Variants in VRK3 observed in about 807,000 individuals in gnomAD.
VRK3 encodes serine/threonine-protein kinase VRK3.
VRK3 carries 50 observed loss-of-function variants against 60.4 expected under a neutral mutation model. The observed-to-expected ratio is 0.83, with a 90% CI of 0.66 to 1.05. The LOEUF (loss-of-function observed/expected upper bound fraction) is 1.05, where lower values mean the gene tolerates loss of function less well. VRK3 is among the 50% of genes least tolerant of loss of function. The pLI, the probability that VRK3 is intolerant of heterozygous loss-of-function variation, is 0.00. For missense variants in VRK3, 549 were observed against 585.3 expected, an observed-to-expected ratio of 0.94 and a Z score of 0.64; for synonymous variants, 246 against 227.8, an observed-to-expected ratio of 1.08 and a Z score of -0.72.
At chr19:49,986,695 G>A (rs2076522389) in intron 12 of VRK3, 1 of 152,206 alleles carries the variant, frequency 6.6e-6, no homozygotes, top group Non-Finnish European at 1.5e-5. Context: ...GCACACTAAG[G>A]ACAGGGAAAC....
chr19:50,019,981 C>T (rs1219659062), intron 2 of VRK3, among the ~76,000 whole-genome samples: 2 of 151,810 alleles, frequency 1.3e-5, no homozygotes. Context: ...TAGGTTCAAG[C>T]GATTTTCCTG....
chr19:49,996,348 C>T (rs1027033755), intron 7 of VRK3, among the ~76,000 whole-genome samples: 7 of 152,148 alleles, frequency 4.6e-5, no homozygotes, highest in Non-Finnish European at 7.4e-5. Flanking sequence ...TGAGCCACCG[C>T]GCCCGACTGC....
chr19:50,004,099 G>A (rs1568799925), intron 5 of VRK3, among the ~76,000 whole-genome samples: 1 of 152,188 alleles, frequency 6.6e-6, no homozygotes, highest in Non-Finnish European at 1.5e-5. Context: ...GCTGGGCACT[G>A]GGGTTTGCTA....
intron 12 of VRK3, chr19:49,981,779 C>T (rs2076426624): frequency 1.2e-5 from 13 of 1,041,914 alleles, no homozygotes; most frequent in Non-Finnish European, 1.5e-5. Flanking sequence ...CCACCCGTCC[C>T]AAGCACACAC....
chr19:49,989,362 A>G (rs1343911889), intron 11 of VRK3, among the ~76,000 whole-genome samples: 1 of 152,132 alleles, frequency 6.6e-6, no homozygotes, highest in Non-Finnish European at 1.5e-5. Context: ...GATGACTCCT[A>G]GGCAACTCCC....
Position 49,997,668 on chromosome 19 carries a change from GCTC to G in VRK3, c.613-101_613-99del, listed in dbSNP as rs2076729353. On this transcript the variant is annotated intron_variant, in intron 6 of 14. Coordinates refer to ENST00000316763, the MANE Select transcript of VRK3 (RefSeq NM_016440.4). ...AATTTGTTACTCCCTCAATGACCAG[GCTC>G]CTCATCAAGTCCCCACATCGGAGCC... 2.9e-6 allele frequency: 4 copies of G among 1,366,870 alleles called. No individual in the cohort carries two copies. In the East Asian group the frequency reaches 7.4e-5, roughly 25 times the overall value. 84.7% of individuals were successfully genotyped at this position (1,366,870 alleles called of 1,614,324 possible). A position where few individuals can be genotyped will look rare whatever the true frequency, so the allele number is the denominator to read the frequency against.
intron 6 of VRK3, chr19:50,000,554 T>TCA (rs2076786518): frequency 1.8e-6 from 1 of 567,994 alleles, no homozygotes; most frequent in Admixed American, 3.1e-5. Context: ...CTTGCCCAGG[T>TCA]CACACAGCAG....
At chr19:50,016,706 C>G (rs2077084506) in intron 2 of VRK3, among the ~76,000 whole-genome samples, 1 of 152,220 alleles carries the variant, frequency 6.6e-6, no homozygotes, top group Admixed American at 6.5e-5. Context: ...ACTCTCTATG[C>G]TTTGCATCTC....
intron 1 of VRK3, among the ~76,000 whole-genome samples, chr19:50,020,880 G>C (rs2077161018): frequency 6.6e-6 from 1 of 152,208 alleles, no homozygotes; most frequent in Admixed American, 6.5e-5. Context: ...TCTGGTGGGG[G>C]AAGAGACACT....
intron 8 of VRK3, 113 bp downstream of exon 8, chr19:49,995,078 A>G: frequency 7.6e-7 from 1 of 1,314,566 alleles, no homozygotes; most frequent in South Asian, 1.3e-5. Context: ...AACTACGAGA[A>G]GGCAGGAAGC....
chr19:50,019,694 T>A (rs1166655749), intron 2 of VRK3, among the ~76,000 whole-genome samples: 4 of 112,320 alleles, frequency 3.6e-5, no homozygotes, highest in East Asian at 6.7e-4. Flanking sequence ...TTTTTTTTTT[T>A]TTTTTTTTTT....
At chr19:50,013,578 G>A (rs749312584) in intron 3 of VRK3, among the ~76,000 whole-genome samples, 13 of 152,196 alleles carry the variant, frequency 8.5e-5, no homozygotes, top group Non-Finnish European at 1.5e-4. Context: ...ACAACTGTCC[G>A]ATGGATAAAC....
intron 9 of VRK3, 143 bp from the exon 10 acceptor site, chr19:49,993,095 G>C: frequency 1.5e-6 from 1 of 645,400 alleles, no homozygotes; most frequent in Non-Finnish European, 2.7e-6. Flanking sequence ...CTAAATCCGG[G>C]GTAGCATGAG....
intron 14 of VRK3, among the ~76,000 whole-genome samples, chr19:49,977,700 G>A (rs1301400019): frequency 2.6e-5 from 4 of 152,190 alleles, no homozygotes; most frequent in Non-Finnish European, 2.9e-5. Flanking sequence ...GGGGAGCAAG[G>A]GTGTTGGGGA....
rs538828126 is a variant in VRK3 at position 50,006,946 on chromosome 19, G to A, written c.547+623C>T. 1.6e-4 allele frequency among the ~76,000 whole-genome samples: 25 copies of A among 152,182 alleles called. No homozygotes were observed. In the East Asian group the frequency reaches 4.8e-3, roughly 29 times the overall value. ...AAGCTTGGGTGCTCCCTCCTTTGGG[G>A]TGTGCATCCACGAGACTCAAACCAT... On this transcript the variant is annotated intron_variant, in intron 5 of 14. Coordinates refer to ENST00000316763, the MANE Select transcript of VRK3 (RefSeq NM_016440.4).
chr19:49,994,327 AC>A (rs1283398372), intron 9 of VRK3, among the ~76,000 whole-genome samples: 1 of 152,146 alleles, frequency 6.6e-6, no homozygotes, highest in Non-Finnish European at 1.5e-5. Context: ...CCTGCTCTGC[AC>A]CCAGCCCCGG....
chr19:50,014,934 A>G (rs1407710363), intron 3 of VRK3, among the ~76,000 whole-genome samples: 2 of 152,104 alleles, frequency 1.3e-5, no homozygotes, highest in African/African-American at 4.8e-5. Context: ...AGAGGTGAGG[A>G]CCAGGGATGT....
chr19:50,023,004 G>A (rs2077195755), intron 1 of VRK3, among the ~76,000 whole-genome samples: 1 of 152,032 alleles, frequency 6.6e-6, no homozygotes, highest in Non-Finnish European at 1.5e-5. Context: ...AACAGCTTCG[G>A]TGCTTTTCCC....
chr19:49,996,046 C>T (rs558983652), intron 7 of VRK3, among the ~76,000 whole-genome samples: 4 of 152,188 alleles, frequency 2.6e-5, no homozygotes, highest in Admixed American at 1.3e-4. Flanking sequence ...CTCAGCCTCC[C>T]GAGTAGCTGG....
Sources: allele counts gnomAD v4.1 joint callset (sites outside exome capture counted in the v4.1 genomes callset), GRCh38; gene constraint gnomAD v4.1.1; transcripts MANE v1.5; gene names NCBI Gene and HGNC (gene_info 2026-07-23, HGNC 2026-07-21).